Variants in ATXN1 observed in about 807,000 individuals in gnomAD.
The protein encoded by ATXN1 is ataxin-1.
A neutral mutation model predicts 56.4 loss-of-function variants in ATXN1; 8 were observed. The ratio of observed to expected loss-of-function variants is 0.14; its 90% CI spans 0.08 to 0.26. ATXN1 has a LOEUF of 0.26. Among genes scored for constraint, ATXN1 ranks in the 10% least tolerant of loss-of-function variants. The pLI is 1.00. For missense variants in ATXN1, 987 were observed against 1,106.5 expected (o/e 0.89, Z 1.53); for synonymous variants, 514 against 494.6 (o/e 1.04, Z -0.52).
chr6:16,558,903 T>C (rs1479005627), intron 4 of ATXN1, among the ~76,000 whole-genome samples: 3 of 152,062 alleles, frequency 2.0e-5, no homozygotes, highest in African/African-American at 7.2e-5. Flanking sequence ...TCTTTTTAGC[T>C]GTTACATGCT....
At chr6:16,642,958 T>C (rs993116008) in intron 3 of ATXN1, among the ~76,000 whole-genome samples, 1 of 152,182 alleles carries the variant, frequency 6.6e-6, no homozygotes, top group African/African-American at 2.4e-5. Context: ...ACTGCTGTGG[T>C]CTATAAGTGA....
At chr6:16,436,501 T>G (rs1759393568) in intron 6 of ATXN1, among the ~76,000 whole-genome samples, 1 of 152,054 alleles carries the variant, frequency 6.6e-6, no homozygotes, top group Admixed American at 6.6e-5. Context: ...TTCAAGCTTG[T>G]CAGTCAAAAA....
At chr6:16,706,658 A>G (rs1267528123) in intron 2 of ATXN1, among the ~76,000 whole-genome samples, 1 of 150,902 alleles carries the variant, frequency 6.6e-6, no homozygotes, top group Non-Finnish European at 1.5e-5. Context: ...CCAGAGGCGG[A>G]AGTTGCAGGG....
At chr6:16,456,578 C>T (rs771092159) in intron 6 of ATXN1, among the ~76,000 whole-genome samples, 1 of 152,170 alleles carries the variant, frequency 6.6e-6, no homozygotes. Flanking sequence ...AGTTGGTTGG[C>T]CCTGCAGCCA....
chr6:16,416,074 A>G (rs1758899471), intron 6 of ATXN1, among the ~76,000 whole-genome samples: 1 of 147,536 alleles, frequency 6.8e-6, no homozygotes, highest in African/African-American at 2.5e-5. Context: ...TATTCACAAG[A>G]AGAACTACCA....
chr6:16,599,262 G>A (rs1312863324), intron 3 of ATXN1, among the ~76,000 whole-genome samples: 1 of 152,152 alleles, frequency 6.6e-6, no homozygotes, highest in Non-Finnish European at 1.5e-5. Context: ...CACTCACTCA[G>A]GTGAACAGGC....
intron 3 of ATXN1, among the ~76,000 whole-genome samples, chr6:16,640,048 C>T (rs1763679575): frequency 6.6e-6 from 1 of 152,052 alleles, no homozygotes; most frequent in African/African-American, 2.4e-5. Context: ...ACTTTGTTGT[C>T]CTTTGCAGAT....
intron 6 of ATXN1, among the ~76,000 whole-genome samples, chr6:16,336,861 G>A (rs764521379): frequency 2.6e-5 from 4 of 152,154 alleles, no homozygotes; most frequent in Non-Finnish European, 5.9e-5. Flanking sequence ...TCAGCACCAC[G>A]AATAGTAGTG....
intron 6 of ATXN1, among the ~76,000 whole-genome samples, chr6:16,420,699 C>T (rs540540417): frequency 2.6e-5 from 4 of 152,156 alleles, no homozygotes; most frequent in Admixed American, 6.6e-5. Flanking sequence ...AGAAAACAGA[C>T]ATTACTTTTG....
chr6:16,416,924 T>C (rs1286355238), intron 6 of ATXN1, among the ~76,000 whole-genome samples: 2 of 152,238 alleles, frequency 1.3e-5, no homozygotes, highest in Non-Finnish European at 2.9e-5. Context: ...TAAGTATTTA[T>C]TGAATGGATA....
chr6:16,659,106 G>C (rs772130591), intron 2 of ATXN1, among the ~76,000 whole-genome samples: 2 of 152,218 alleles, frequency 1.3e-5, no homozygotes, highest in Admixed American at 6.5e-5. Flanking sequence ...TTGAGGAGGA[G>C]AAAGTGTCTC....
intron 2 of ATXN1, among the ~76,000 whole-genome samples, chr6:16,734,384 A>T (rs1335572724): frequency 6.6e-6 from 1 of 152,176 alleles, no homozygotes; most frequent in South Asian, 2.1e-4. Flanking sequence ...TTTGTTCTCC[A>T]TGATGGTGCG....
In ATXN1 at chr6:16,306,228, A is replaced by C; in HGVS notation, c.*101T>G. ...AAGGTTAGAACAGAAACCTAAAATTAAGAAGATAACATGTAAATACTGTGT... is the reference window on the plus strand; with the variant it reads ...AAGGTTAGAACAGAAACCTAAAATTCAGAAGATAACATGTAAATACTGTGT... On this transcript the variant is annotated 3_prime_UTR_variant, in exon 8 of 8. Transcript: ENST00000436367. This position sits in a 1 kb window ranked among gnomAD's most constrained non-coding sequence, Gnocchi z 5.2. 7.2e-7 allele frequency: 1 copy of C among 1,389,018 alleles called. No homozygotes were observed. Among genetic ancestry groups the C allele is most frequent in the South Asian group, 1.4e-5 (1 of 71,128 alleles). The allele number at this position is 1,389,018 out of a possible 1,614,324, so 86.0% of individuals were successfully genotyped here. A position where few individuals can be genotyped will look rare whatever the true frequency, so the allele number is the denominator to read the frequency against.
intron 6 of ATXN1, among the ~76,000 whole-genome samples, chr6:16,472,577 T>C (rs1488100377): frequency 6.6e-6 from 1 of 152,214 alleles, no homozygotes; most frequent in Non-Finnish European, 1.5e-5. Context: ...CTCACCAAAT[T>C]TGGGCACTTT....
intron 4 of ATXN1, among the ~76,000 whole-genome samples, chr6:16,579,255 G>GAC (rs937867280): frequency 6.6e-5 from 10 of 152,234 alleles, no homozygotes; most frequent in Non-Finnish European, 7.4e-5. Context: ...CAAGATGGAA[G>GAC]ACACACACCA....
intron 4 of ATXN1, among the ~76,000 whole-genome samples, chr6:16,564,273 G>A (rs548195656): frequency 6.6e-6 from 1 of 151,946 alleles, no homozygotes; most frequent in African/African-American, 2.4e-5. Context: ...TAGGTAAGAA[G>A]AGAGAGGAGG....
chr6:16,569,709 A>C (rs1762296870), intron 4 of ATXN1, among the ~76,000 whole-genome samples: 1 of 152,084 alleles, frequency 6.6e-6, no homozygotes, highest in East Asian at 1.9e-4. Context: ...TAGTTGTTGA[A>C]AAAACAGTTT....
chr6:16,461,927 TCTC>T (rs1760007230), intron 6 of ATXN1, among the ~76,000 whole-genome samples: 1 of 152,078 alleles, frequency 6.6e-6, no homozygotes, highest in Non-Finnish European at 1.5e-5. Context: ...AATCCAAAAT[TCTC>T]CTCACAAAAT....
chr6:16,716,924 G>A (rs1311899744), intron 2 of ATXN1, among the ~76,000 whole-genome samples: 4 of 152,188 alleles, frequency 2.6e-5, no homozygotes, highest in Non-Finnish European at 5.9e-5. Context: ...CCATCCCAAA[G>A]CCTCTATCCA....
Sources: allele counts gnomAD v4.1 joint callset (sites outside exome capture counted in the v4.1 genomes callset), GRCh38; gene constraint gnomAD v4.1.1; non-coding constraint Gnocchi (gnomAD v3.1); transcripts MANE v1.5; gene names NCBI Gene and HGNC (gene_info 2026-07-23, HGNC 2026-07-21).